Variants in CCNY observed in about 807,000 individuals in gnomAD.
CCNY encodes cyclin-Y.
In CCNY, 19 loss-of-function variants were observed where a neutral mutation model predicts 42.8. That is an observed-to-expected ratio of 0.44 (90% CI 0.31 to 0.65). CCNY has a LOEUF of 0.65. Among genes scored for constraint, CCNY ranks in the 30% least tolerant of loss-of-function variants. The pLI is 0.07. For synonymous variants in CCNY, 165 were observed against 162.7 expected (o/e 1.01, Z -0.11); for missense variants, 370 against 437.3 (o/e 0.85, Z 1.37).
At chr10:35,407,498 C>A (rs1837806004) in intron 1 of CCNY, among the ~76,000 whole-genome samples, 1 of 152,128 alleles carries the variant, frequency 6.6e-6, no homozygotes, top group South Asian at 2.1e-4. Context: ...GCCTGGACAT[C>A]AGGCACCTCA....
chr10:35,407,766 G>C (rs975109491), intron 1 of CCNY, among the ~76,000 whole-genome samples: 6 of 152,110 alleles, frequency 3.9e-5, no homozygotes. Flanking sequence ...CAAGTTTAAA[G>C]AGAAGGGTAG....
chr10:35,254,982 C>T lies in CCNY; in HGVS notation c.-9+4356C>T, dbSNP rs551296303. 2.6e-5 allele frequency among the ~76,000 whole-genome samples: 4 copies of T among 152,104 alleles called. No individual in the cohort carries two copies. In the South Asian group the frequency reaches 6.2e-4, roughly 24 times the overall value. Reference sequence around the variant, plus strand: ...TACGTTGTATGATATTTTAAACAATCGACTGTTGGGTTGTGGCCTAACAAA... The same window carrying T: ...TACGTTGTATGATATTTTAAACAATTGACTGTTGGGTTGTGGCCTAACAAA... On this transcript the variant is annotated intron_variant, in intron 3 of 11. Coordinates refer to the CCNY transcript ENST00000374706.
chr10:35,317,840 T>A (rs1003153226), intron 3 of CCNY, among the ~76,000 whole-genome samples: 3 of 152,186 alleles, frequency 2.0e-5, no homozygotes. Context: ...TATTGCTTAA[T>A]TGGGGCAAAA....
intron 1 of CCNY, among the ~76,000 whole-genome samples, chr10:35,436,740 G>T (rs1444546415): frequency 6.6e-6 from 1 of 152,196 alleles, no homozygotes; most frequent in African/African-American, 2.4e-5. Flanking sequence ...GGATGAAAAT[G>T]AAATCTTCAA....
chr10:35,419,794 A>T (rs78982962), intron 1 of CCNY, among the ~76,000 whole-genome samples: 11 of 152,132 alleles, frequency 7.2e-5, no homozygotes, highest in African/African-American at 2.2e-4. Flanking sequence ...GTGGTATATA[A>T]TACTTTAGGT....
chr10:35,458,108 G>C (rs188178538), intron 1 of CCNY, among the ~76,000 whole-genome samples: 23 of 152,362 alleles, frequency 1.5e-4, no homozygotes, highest in Admixed American at 1.5e-3. Context: ...GGGGGAAAAA[G>C]TGGTGTTTTG....
chr10:35,363,303 G>A (rs1836737780), intron 1 of CCNY, among the ~76,000 whole-genome samples: 1 of 148,278 alleles, frequency 6.7e-6, no homozygotes, highest in South Asian at 2.2e-4. Flanking sequence ...CTTCCCAGAC[G>A]GTTGGGGGGC....
intron 1 of CCNY, among the ~76,000 whole-genome samples, chr10:35,385,736 G>A (rs192090193): frequency 3.3e-5 from 5 of 152,240 alleles, no homozygotes; most frequent in South Asian, 4.1e-4. Context: ...TGCAGTGTGC[G>A]TCATCAGAAC....
At chr10:35,425,856 T>TA (rs1838253678) in intron 1 of CCNY, among the ~76,000 whole-genome samples, 1 of 152,134 alleles carries the variant, frequency 6.6e-6, no homozygotes, top group South Asian at 2.1e-4. Flanking sequence ...AACAAAAACT[T>TA]ACCCTTGTTA....
intron 3 of CCNY, among the ~76,000 whole-genome samples, chr10:35,286,799 A>G (rs1346482151): frequency 2.0e-5 from 3 of 151,606 alleles, no homozygotes; most frequent in Admixed American, 6.6e-5. Context: ...CGCTGGAATT[A>G]CAGGTGAGCA....
intron 8 of CCNY, among the ~76,000 whole-genome samples, chr10:35,553,958 C>T (rs1391437285): frequency 6.6e-6 from 1 of 152,232 alleles, no homozygotes; most frequent in African/African-American, 2.4e-5. Context: ...TCAGATAGCA[C>T]TACTTGACTT....
At chr10:35,564,327 C>T (rs932085695) in intron 8 of CCNY, among the ~76,000 whole-genome samples, 2 of 152,148 alleles carry the variant, frequency 1.3e-5, no homozygotes, top group African/African-American at 4.8e-5. Context: ...CCTTCCTTGC[C>T]GCCTGCCCAC....
intron 1 of CCNY, among the ~76,000 whole-genome samples, chr10:35,373,914 G>A (rs927742371): frequency 2.0e-5 from 3 of 150,352 alleles, no homozygotes; most frequent in African/African-American, 4.8e-5. Context: ...TCAAAGATCA[G>A]CTGTATTAAC....
chr10:35,368,418 T>C (rs1836856168), intron 1 of CCNY, among the ~76,000 whole-genome samples: 1 of 152,248 alleles, frequency 6.6e-6, no homozygotes, highest in African/African-American at 2.4e-5. Context: ...TATTAGTTTT[T>C]CTAATGTAAA....
intron 1 of CCNY, among the ~76,000 whole-genome samples, chr10:35,407,565 G>A (rs984801507): frequency 2.0e-5 from 3 of 152,126 alleles, no homozygotes; most frequent in East Asian, 1.9e-4. Flanking sequence ...TGGAAAAATC[G>A]AAAGTGCCGT....
intron 1 of CCNY, among the ~76,000 whole-genome samples, chr10:35,343,382 CT>C (rs9299720): frequency 2.5e-3 from 216 of 85,878 alleles, no homozygotes; most frequent in African/African-American, 9.1e-3. Context: ...AGCTGATGGT[CT>C]TTTTTTTTTT....
chr10:35,368,577 C>A (rs1432851596), intron 1 of CCNY, among the ~76,000 whole-genome samples: 1 of 149,660 alleles, frequency 6.7e-6, no homozygotes, highest in Non-Finnish European at 1.5e-5. Context: ...TTGGACTGTT[C>A]GCATCCACAT....
intron 1 of CCNY, among the ~76,000 whole-genome samples, chr10:35,450,436 G>T (rs2135311989): frequency 6.6e-6 from 1 of 152,254 alleles, no homozygotes; most frequent in African/African-American, 2.4e-5. Context: ...TTTGGAAGTT[G>T]GGAGATGGCA....
chr10:35,291,441 T>C (rs992122156), intron 3 of CCNY, among the ~76,000 whole-genome samples: 1 of 152,192 alleles, frequency 6.6e-6, no homozygotes, highest in African/African-American at 2.4e-5. Context: ...ACACATTTTA[T>C]TCACTTAATC....
Sources: allele counts gnomAD v4.1 joint callset (sites outside exome capture counted in the v4.1 genomes callset), GRCh38; gene constraint gnomAD v4.1.1; transcripts MANE v1.5; gene names NCBI Gene and HGNC (gene_info 2026-07-23, HGNC 2026-07-21).